PDS5B: variants seen among roughly 807,000 people sequenced by gnomAD.
The protein encoded by PDS5B is PDS5 cohesin associated factor B.
PDS5B carries 51 observed loss-of-function variants against 184.1 expected under a neutral mutation model. The ratio of observed to expected loss-of-function variants is 0.28; its 90% CI spans 0.22 to 0.35. The LOEUF is 0.35. PDS5B is among the 10% of genes least tolerant of loss of function. The pLI is 1.00. For synonymous variants in PDS5B, 566 were observed against 569.2 expected (o/e 0.99, Z 0.08); for missense variants, 1,180 against 1,723.3 (o/e 0.68, Z 5.58).
At chr13:32,671,336 G>C (rs1950930675) in intron 7 of PDS5B, among the ~76,000 whole-genome samples, 1 of 152,086 alleles carries the variant, frequency 6.6e-6, no homozygotes. Context: ...TTTCAAATAA[G>C]TTTTTCCCAG....
intron 6 of PDS5B, among the ~76,000 whole-genome samples, chr13:32,665,464 C>T (rs1593373804): frequency 6.6e-6 from 1 of 151,474 alleles, no homozygotes; most frequent in Non-Finnish European, 1.5e-5. Context: ...TGGCGGGCGC[C>T]TGTAGTCCCA....
At chr13:32,633,089 T>G (rs2058483175) in intron 1 of PDS5B, among the ~76,000 whole-genome samples, 1 of 152,174 alleles carries the variant, frequency 6.6e-6, no homozygotes, top group Admixed American at 6.5e-5. Flanking sequence ...GTGATTCTAC[T>G]TACATGAGGC....
rs774587895 is a variant in PDS5B at position 32,758,489 on chromosome 13, A to T, written c.3190-45A>T. The stretch of plus-strand genomic sequence containing the variant: ...ATTATTCCTAGTTTACAGAGTCTAG[A>T]TTGCCAGCTTAAGTATCTGTGTTTT... On this transcript the variant is annotated intron_variant, in intron 27 of 34. Transcript: ENST00000315596. 3.2e-6 allele frequency: 5 copies of T among 1,569,654 alleles called. No homozygotes were observed. The East Asian group carries it at 9.0e-5, about 28-fold the overall frequency.
chr13:32,760,757 G>A, intron 30 of PDS5B, 37 bp downstream of exon 30: 2 of 1,588,520 alleles, frequency 1.3e-6, no homozygotes, highest in Non-Finnish European at 1.7e-6. Flanking sequence ...TACATTTAAG[G>A]ATTCCAGCAA....
At chr13:32,677,446 TTAA>T (rs1368935138) in intron 9 of PDS5B, among the ~76,000 whole-genome samples, 1 of 152,078 alleles carries the variant, frequency 6.6e-6, no homozygotes, top group Non-Finnish European at 1.5e-5. Flanking sequence ...CCTTTTAATA[TTAA>T]TAACATAAAA....
intron 1 of PDS5B, among the ~76,000 whole-genome samples, chr13:32,624,691 T>G (rs1415265470): frequency 1.3e-5 from 2 of 152,170 alleles, no homozygotes; most frequent in Admixed American, 1.3e-4. Context: ...AAAATTTGGG[T>G]GCCTAAACTG....
chr13:32,624,605 A>C (rs2140547629), intron 1 of PDS5B, among the ~76,000 whole-genome samples: 1 of 151,852 alleles, frequency 6.6e-6, no homozygotes. Context: ...GGCGTGAATC[A>C]CTCTTGGTGT....
chr13:32,589,670 A>T (rs1323789156), intron 1 of PDS5B, among the ~76,000 whole-genome samples: 2 of 152,200 alleles, frequency 1.3e-5, no homozygotes, highest in East Asian at 3.8e-4. Flanking sequence ...TACACAAGTC[A>T]TCTGTCACTT....
chr13:32,726,012 C>T (rs1342675492), intron 19 of PDS5B, among the ~76,000 whole-genome samples: 4 of 151,924 alleles, frequency 2.6e-5, no homozygotes, highest in Non-Finnish European at 5.9e-5. Context: ...AGAGGTCGCT[C>T]TTTTAAAATT....
chr13:32,696,279 A>G (rs1028199593), intron 14 of PDS5B, among the ~76,000 whole-genome samples: 13 of 152,110 alleles, frequency 8.5e-5, no homozygotes, highest in Non-Finnish European at 1.5e-4. Context: ...GATGCAGTGA[A>G]TAATTAGCAC....
intron 1 of PDS5B, among the ~76,000 whole-genome samples, chr13:32,587,177 C>T (rs1476596099): frequency 6.7e-6 from 1 of 149,984 alleles, no homozygotes; most frequent in Non-Finnish European, 1.5e-5. Context: ...TCGCCCCCGC[C>T]GCCGGGTCCC....
intron 1 of PDS5B, among the ~76,000 whole-genome samples, chr13:32,592,113 C>CT (rs1282467436): frequency 1.3e-5 from 2 of 152,178 alleles, no homozygotes; most frequent in Non-Finnish European, 2.9e-5. Context: ...CTTATCCTGT[C>CT]TCATCACTTC....
chr13:32,669,225 CTAGG>C (rs1950872250), intron 7 of PDS5B, among the ~76,000 whole-genome samples: 1 of 151,726 alleles, frequency 6.6e-6, no homozygotes, highest in Non-Finnish European at 1.5e-5. Flanking sequence ...TTAGAGCACA[CTAGG>C]TGAGCTCCTC....
chr13:32,769,555 G>T (rs1384627372), intron 31 of PDS5B, among the ~76,000 whole-genome samples: 3 of 152,126 alleles, frequency 2.0e-5, no homozygotes, highest in Non-Finnish European at 2.9e-5. Flanking sequence ...TAATCAGTTA[G>T]TTATACCTAG....
chr13:32,674,567 A>G (rs1446594834), intron 8 of PDS5B, among the ~76,000 whole-genome samples: 1 of 151,826 alleles, frequency 6.6e-6, no homozygotes, highest in African/African-American at 2.4e-5. Flanking sequence ...CCTACACACT[A>G]TGAGAAATAT....
At chr13:32,731,656 G>A (rs1006798004) in intron 19 of PDS5B, among the ~76,000 whole-genome samples, 9 of 152,074 alleles carry the variant, frequency 5.9e-5, no homozygotes, top group African/African-American at 1.9e-4. Context: ...AATAAGCATT[G>A]TTTAATCAGA....
intron 18 of PDS5B, among the ~76,000 whole-genome samples, chr13:32,709,094 A>G (rs1027030213): frequency 2.0e-5 from 3 of 151,974 alleles, no homozygotes; most frequent in African/African-American, 7.2e-5. Flanking sequence ...TCTCTAAATA[A>G]CATGTTGCTT....
chr13:32,683,777 A>G, intron 10 of PDS5B, 101 bp from the exon 11 acceptor site: 1 of 689,566 alleles, frequency 1.5e-6, no homozygotes, highest in South Asian at 1.9e-5. Flanking sequence ...ACTTCTATGT[A>G]GGTATTGTTT....
chr13:32,707,282 T>C (rs974083145), intron 18 of PDS5B, among the ~76,000 whole-genome samples: 2 of 152,120 alleles, frequency 1.3e-5, no homozygotes, highest in African/African-American at 4.8e-5. Context: ...TAATTCAGGG[T>C]GTCATTAGTG....
Sources: allele counts gnomAD v4.1 joint callset (sites outside exome capture counted in the v4.1 genomes callset), GRCh38; gene constraint gnomAD v4.1.1; transcripts MANE v1.5; gene names NCBI Gene and HGNC (gene_info 2026-07-23, HGNC 2026-07-21).